DIDO1: variants seen among roughly 807,000 people sequenced by gnomAD.
DIDO1 encodes death inducer-obliterator 1, also known as death-inducer obliterator 1.
A neutral mutation model predicts 99.4 loss-of-function variants in DIDO1; 16 were observed. That is an observed-to-expected ratio of 0.16 (90% confidence interval 0.11 to 0.24). The LOEUF is 0.24. DIDO1 is among the 10% of genes least tolerant of loss of function. The pLI, the probability that DIDO1 is intolerant of heterozygous loss-of-function variation, is 1.00. For synonymous variants in DIDO1, 1,366 were observed against 1,239.1 expected, an observed-to-expected ratio of 1.10 and a Z score of -2.15; for missense variants, 2,996 against 3,014.0, an observed-to-expected ratio of 0.99 and a Z score of 0.14.
At chr20:62,898,975 A>G (rs1386292790) in intron 6 of DIDO1, among the ~76,000 whole-genome samples, 1 of 152,078 alleles carries the variant, frequency 6.6e-6, no homozygotes. Context: ...GGGTTGCAAT[A>G]GGTCAGTCAG....
At chr20:62,917,190 G>A (rs2065052894) in intron 1 of DIDO1, among the ~76,000 whole-genome samples, 1 of 151,908 alleles carries the variant, frequency 6.6e-6, no homozygotes, top group Non-Finnish European at 1.5e-5. Context: ...ACCATGCCCA[G>A]GTAATTTTTG....
Position 62,881,435 on chromosome 20 carries a change from G to T in DIDO1, c.4521C>A (p.Val1507=), listed in dbSNP as rs1600901262. The change falls in exon 16 of 16, where the codon GTC becomes GTA. Residue 1507 remains valine, a synonymous_variant. Coordinates refer to ENST00000395343, the MANE Select transcript of DIDO1 (RefSeq NM_001193369.2). This position sits in a 1 kb window ranked among gnomAD's most constrained non-coding sequence, Gnocchi z 8.3. ...CCGAGAAGTGGGCCATGGAGACCCC[G>T]ACGGCGGCCCTCTGCTGCCTGAGAG... The part of the protein sequence containing the change: ...EEALRQQRAA[V]GVSMAHFSVS... 1 of 1,608,714 alleles carries T rather than the reference G, an allele frequency of 6.2e-7. No homozygotes were observed.
intron 1 of DIDO1, among the ~76,000 whole-genome samples, chr20:62,922,965 T>A (rs1029289485): frequency 1.3e-5 from 2 of 152,074 alleles, no homozygotes; most frequent in Admixed American, 1.3e-4. Flanking sequence ...ACAGACCAGT[T>A]TGAAAAATCA....
At chr20:62,904,807 A>AAAAAAAAAAAAG (rs1568859998) in intron 6 of DIDO1, among the ~76,000 whole-genome samples, 1 of 141,704 alleles carries the variant, frequency 7.1e-6, no homozygotes, top group Non-Finnish European at 1.5e-5. Flanking sequence ...AAAAAAAAAA[A>AAAAAAAAAAAAG]GTGTCTTTTT....
intron 6 of DIDO1, chr20:62,905,444 G>A (rs1445281346): frequency 1.3e-6 from 2 of 1,518,538 alleles, no homozygotes; most frequent in South Asian, 1.2e-5. Flanking sequence ...AAGAAGTGAT[G>A]CTTTCATGTG....
At chr20:62,884,211 A>T (rs1354678102) in intron 15 of DIDO1, among the ~76,000 whole-genome samples, 1 of 152,176 alleles carries the variant, frequency 6.6e-6, no homozygotes, top group African/African-American at 2.4e-5. Context: ...GTTTAAAAAA[A>T]AAATTATTCA....
Position 62,881,569 on chromosome 20 carries a change from G to C in DIDO1, c.4387C>G (p.Pro1463Ala). Residue 1463 changes from proline (P) to alanine (A), a missense_variant, in exon 16 of 16, where the codon CCG becomes GCG. By Grantham distance (27) the Pro-to-Ala change is conservative. This residue lies in a region of DIDO1 where 1,562 missense variants were observed against 1,412.6 expected (regional missense o/e 1.11). Coordinates refer to ENST00000395343, the MANE Select transcript of DIDO1 (RefSeq NM_001193369.2). The surrounding 1 kb of genome is among the most constrained non-coding windows in gnomAD (Gnocchi z 8.3). ...GAGGGCGTCGCAGCCCCGGCCACCG[G>C]CTCGGCAGGCCTCTCCACGGAGTTC... Reference protein sequence around the residue: ...RRNSVERPAEPVAGAATPSLV... With the variant: ...RRNSVERPAEAVAGAATPSLV... The C allele has an allele frequency of 6.2e-7, 1 of 1,611,234 alleles. No homozygotes were observed. Among genetic ancestry groups the C allele is most frequent in the South Asian group, 1.1e-5 (1 of 91,070 alleles).
At chr20:62,898,088 G>A (rs1399360060) in intron 6 of DIDO1, among the ~76,000 whole-genome samples, 2 of 152,208 alleles carry the variant, frequency 1.3e-5, no homozygotes, top group Non-Finnish European at 2.9e-5. Context: ...ATGGGAGAAT[G>A]TGACAGATGC....
chr20:62,937,820 G>C (rs552312104), exon 1 of DIDO1: 1 of 398,030 alleles, frequency 2.5e-6, no homozygotes, highest in African/African-American at 2.1e-5. Context: ...CAGTGTAGAC[G>C]TCGCCATCCC....
At chr20:62,885,650 G>C (rs974353386) in intron 15 of DIDO1, among the ~76,000 whole-genome samples, 3 of 152,158 alleles carry the variant, frequency 2.0e-5, no homozygotes, top group Admixed American at 1.3e-4. Context: ...ATGGGTGCTC[G>C]TTCTGAATTT....
chr20:62,928,067 T>G (rs549435699), upstream of DIDO1, among the ~76,000 whole-genome samples: 59 of 152,270 alleles, frequency 3.9e-4, no homozygotes, highest in Non-Finnish European at 4.4e-4. Flanking sequence ...TACAAGAGGC[T>G]CTCTCTAAAT....
chr20:62,890,658 C>G, intron 15 of DIDO1: 1 of 1,249,080 alleles, frequency 8.0e-7, no homozygotes, highest in Non-Finnish European at 1.0e-6. Flanking sequence ...TCTGGCTGAG[C>G]CTTGGGCTTC....
rs1287966463 is a variant in DIDO1, at chr20:62,894,461, T to C, written c.2524A>G (p.Ser842Gly). 1.2e-6 allele frequency: 2 copies of C among 1,613,518 alleles called. No homozygotes were observed. The highest frequency in any genetic ancestry group is 1.7e-6 in the Non-Finnish European group (2 of 1,180,042). The part of the protein sequence containing the change: ...VFSSMLKDTT[S>G]QHRAHLFDLN... Reference sequence around the variant, plus strand: ...TCGAAGAGGTGTGCGCGGTGCTGACTGGTGGTGTCTTTCAACATGCTGCTG... The same window carrying C: ...TCGAAGAGGTGTGCGCGGTGCTGACCGGTGGTGTCTTTCAACATGCTGCTG... The change falls in exon 11 of 16, where the codon AGT becomes GGT. Residue 842 changes from serine (S) to glycine (G), a missense_variant. By Grantham distance (56) the Ser-to-Gly change is moderately conservative. This residue lies in a region of DIDO1 where 898 missense variants were observed against 972.7 expected (regional missense o/e 0.92). Coordinates refer to ENST00000395343, the MANE Select transcript of DIDO1 (RefSeq NM_001193369.2). The surrounding 1 kb of genome is among the most constrained non-coding windows in gnomAD (Gnocchi z 4.4).
In DIDO1 at chr20:62,895,113, C is replaced by G; in HGVS notation, c.2267G>C (p.Arg756Thr). The change falls in exon 9 of 16, where the codon AGA (arginine) becomes ACA (threonine). Residue 756 changes from arginine to threonine, a missense_variant. Arg to Thr is a moderately conservative substitution (Grantham distance 71, BLOSUM62 -1). Around this residue, in one of 5 missense-constraint regions of DIDO1, gnomAD observed 898 missense variants for 972.7 expected, o/e 0.92. Transcript: ENST00000395343. Reference protein sequence around the residue: ...REEISLAKLVRLKPEELVSKE... With the variant: ...REEISLAKLVTLKPEELVSKE... ...AGATACAAGTTCTTCTGGCTTCAGT[C>G]TCACAAGTTTCGCCAAAGAGATTTC... The G allele has an allele frequency of 6.2e-7, 1 of 1,612,254 alleles. No homozygotes were observed. Among genetic ancestry groups the G allele is most frequent in the Middle Eastern group, 1.7e-4 (1 of 6,056 alleles).
At chr20:62,900,326 C>T (rs1056588141) in intron 6 of DIDO1, among the ~76,000 whole-genome samples, 1 of 152,266 alleles carries the variant, frequency 6.6e-6, no homozygotes, top group African/African-American at 2.4e-5. Flanking sequence ...CAGAATGAAG[C>T]AGGTCGTCGT....
upstream of DIDO1, among the ~76,000 whole-genome samples, chr20:62,926,855 T>C (rs555497145): frequency 5.3e-5 from 8 of 152,198 alleles, no homozygotes; most frequent in East Asian, 9.7e-4. Flanking sequence ...GATAAACCCT[T>C]CAAGTCGGTG....
At chr20:62,931,848 A>G (rs2065335145) in intron 1 of DIDO1, among the ~76,000 whole-genome samples, 1 of 152,256 alleles carries the variant, frequency 6.6e-6, no homozygotes, top group African/African-American at 2.4e-5. Flanking sequence ...AAAACACTTT[A>G]AGAAGTGAAA....
rs745588272 is a variant in DIDO1 at position 62,894,932 on chromosome 20, A to G, written c.2332-18T>C. The G allele has an allele frequency of 6.2e-7, 1 of 1,611,650 alleles. No individual in the cohort carries two copies. Among genetic ancestry groups the G allele is most frequent in the Non-Finnish European group, 8.5e-7 (1 of 1,178,624 alleles). Reference sequence around the variant, plus strand: ...TCCATCACCTGAAATGAAAAAGACGAAACAGAGCTTAGGCCTTGTTTTCTA... The same window carrying G: ...TCCATCACCTGAAATGAAAAAGACGGAACAGAGCTTAGGCCTTGTTTTCTA... On this transcript the variant is annotated intron_variant, in intron 9 of 15. Coordinates refer to ENST00000395343, the MANE Select transcript of DIDO1 (RefSeq NM_001193369.2). This position sits in a 1 kb window ranked among gnomAD's most constrained non-coding sequence, Gnocchi z 4.4.
chr20:62,936,533 C>T (rs2065386558), intron 1 of DIDO1, among the ~76,000 whole-genome samples: 1 of 150,070 alleles, frequency 6.7e-6, no homozygotes, highest in Non-Finnish European at 1.5e-5. Context: ...CCAGCCTGGG[C>T]AACAAAGTGA....
Sources: gnomAD v4.1 joint callset for allele counts (sites outside exome capture counted in the v4.1 genomes callset) on GRCh38, gnomAD v4.1.1 for gene constraint, gnomAD v4.1.1 regional missense constraint, Gnocchi (gnomAD v3.1) non-coding constraint, MANE v1.5 for transcripts, NCBI Gene and HGNC (gene_info 2026-07-23, HGNC 2026-07-21) for gene names.